The following PDHX variants were observed in gnomAD, a reference collection of about 807,000 sequenced individuals.
PDHX encodes the protein pyruvate dehydrogenase complex component X, also known as pyruvate dehydrogenase protein X component, mitochondrial.
Under a neutral mutation model 55.3 loss-of-function variants are expected in PDHX, and 33 were observed. The ratio of observed to expected loss-of-function variants is 0.60; its 90% CI spans 0.45 to 0.80. PDHX has a LOEUF of 0.80. PDHX is among the 30% of genes least tolerant of loss of function. The probability of loss-of-function intolerance (pLI) is 0.00; values close to 1 mark genes in which losing one functional copy is unlikely to be tolerated. For synonymous variants in PDHX, 226 were observed against 219.4 expected (o/e 1.03, Z -0.27); for missense variants, 622 against 619.9 (o/e 1.00, Z -0.04).
intron 6 of PDHX, among the ~76,000 whole-genome samples, chr11:34,969,346 CTT>C (rs763366784): frequency 5.8e-5 from 8 of 138,036 alleles, no homozygotes; most frequent in Admixed American, 1.4e-4. Flanking sequence ...GGTTTTTTTT[CTT>C]TTTTTTTTTT....
chr11:34,984,360 G>T (rs895342506), intron 8 of PDHX, among the ~76,000 whole-genome samples: 3 of 152,070 alleles, frequency 2.0e-5, no homozygotes, highest in Admixed American at 2.0e-4. Context: ...CTTCAAACTT[G>T]CTTCAAAAAG....
At chr11:34,939,597 C>G (rs760550481) in intron 2 of PDHX, among the ~76,000 whole-genome samples, 22 of 152,080 alleles carry the variant, frequency 1.4e-4, no homozygotes, top group Non-Finnish European at 2.8e-4. Flanking sequence ...TTTGGGGTTC[C>G]TCCTCTGCCA....
chr11:34,953,298 A>G lies in PDHX; in HGVS notation c.343-4086A>G, dbSNP rs958013228. Among the ~76,000 whole-genome samples, 70 of 152,322 alleles carry G rather than the reference A, an allele frequency of 4.6e-4. 1 individual carries two copies. The highest frequency in any genetic ancestry group is 1.6e-3 in the African/African-American group (66 of 41,556). ...AATTTATAGATTCAATGCCATCCCCATCAAGCTACCAATGCCTTTCTTCAC... is the reference window on the plus strand; with the variant it reads ...AATTTATAGATTCAATGCCATCCCCGTCAAGCTACCAATGCCTTTCTTCAC... On this transcript the variant is annotated intron_variant, in intron 3 of 10. Coordinates refer to ENST00000227868, the MANE Select transcript of PDHX (RefSeq NM_003477.3).
chr11:34,938,471 T>C (rs921187316), intron 2 of PDHX, among the ~76,000 whole-genome samples: 5 of 152,242 alleles, frequency 3.3e-5, no homozygotes, highest in African/African-American at 7.2e-5. Flanking sequence ...GTTTTACCTT[T>C]ATAAATAATG....
chr11:34,978,434 A>G (rs1349388536), intron 8 of PDHX, among the ~76,000 whole-genome samples: 1 of 152,154 alleles, frequency 6.6e-6, no homozygotes, highest in African/African-American at 2.4e-5. Flanking sequence ...ACAAAAGCTT[A>G]CTTGATTTCT....
At chr11:34,936,264 T>C (rs1424556617) in intron 2 of PDHX, among the ~76,000 whole-genome samples, 1 of 152,200 alleles carries the variant, frequency 6.6e-6, no homozygotes, top group Admixed American at 6.5e-5. Flanking sequence ...TTACTGGTCC[T>C]TGATAGACCC....
chr11:34,972,804 G>C (rs1168718103), intron 7 of PDHX, among the ~76,000 whole-genome samples: 2 of 152,052 alleles, frequency 1.3e-5, no homozygotes, highest in Non-Finnish European at 1.5e-5. Flanking sequence ...CAAAATATTT[G>C]AGAACTATTC....
intron 9 of PDHX, among the ~76,000 whole-genome samples, chr11:34,987,277 T>G (rs368881114): frequency 1.3e-5 from 2 of 152,188 alleles, no homozygotes; most frequent in South Asian, 2.1e-4. Context: ...TTGTATGAAG[T>G]ACTCTTGCTG....
At chr11:34,990,243 G>A (rs1399400894) in intron 9 of PDHX, among the ~76,000 whole-genome samples, 1 of 152,080 alleles carries the variant, frequency 6.6e-6, no homozygotes, top group African/African-American at 2.4e-5. Flanking sequence ...GAATAGCAAG[G>A]CATTCGATGT....
chr11:34,949,766 A>G (rs2133964859), intron 3 of PDHX, among the ~76,000 whole-genome samples: 1 of 152,256 alleles, frequency 6.6e-6, no homozygotes, highest in Non-Finnish European at 1.5e-5. Flanking sequence ...ACCAATTAGG[A>G]TATTTGTGAG....
chr11:34,941,389 T>G (rs1312095412), intron 2 of PDHX, among the ~76,000 whole-genome samples: 1 of 152,230 alleles, frequency 6.6e-6, no homozygotes, highest in African/African-American at 2.4e-5. Context: ...AGTTCTGTCT[T>G]ATTTTATTAC....
chr11:34,984,474 T>C, intron 8 of PDHX, 96 bp from the exon 9 acceptor site: 1 of 1,014,676 alleles, frequency 9.9e-7, no homozygotes, highest in Non-Finnish European at 1.5e-6. Context: ...TATCTAGCTA[T>C]GTTCACTTTG....
chr11:34,969,435 C>T (rs114092081), intron 6 of PDHX, among the ~76,000 whole-genome samples: 11,400 of 151,640 alleles, frequency 0.075, 443 homozygotes, highest in African/African-American at 0.091. Flanking sequence ...CCTCTGTCTC[C>T]CCGGTTCAAG....
intron 2 of PDHX, among the ~76,000 whole-genome samples, chr11:34,944,091 GTGTA>G (rs1004203491): frequency 3.8e-5 from 5 of 131,370 alleles, no homozygotes; most frequent in East Asian, 2.2e-4. Flanking sequence ...GTGTGTGTGT[GTGTA>G]TATATATATA....
At chr11:34,993,888 G>A (rs1053662278) in intron 10 of PDHX, among the ~76,000 whole-genome samples, 1 of 152,184 alleles carries the variant, frequency 6.6e-6, no homozygotes, top group South Asian at 2.1e-4. Context: ...AGAAACCATT[G>A]TGTATTCAGT....
intron 8 of PDHX, among the ~76,000 whole-genome samples, chr11:34,983,394 A>G (rs1855564225): frequency 1.3e-5 from 2 of 152,236 alleles, no homozygotes; most frequent in African/African-American, 4.8e-5. Flanking sequence ...CACCACTCCT[A>G]TTCAACATAG....
chr11:34,995,275 A>C lies in PDHX; in HGVS notation c.*103A>C. On this transcript the variant is annotated 3_prime_UTR_variant, in exon 11 of 11. Coordinates refer to ENST00000227868, the MANE Select transcript of PDHX (RefSeq NM_003477.3). ...AACTTGGTATTTAAGTATGAAGTGGATGAAATGTTTATTTATTTAAGGTGA... is the reference window on the plus strand; with the variant it reads ...AACTTGGTATTTAAGTATGAAGTGGCTGAAATGTTTATTTATTTAAGGTGA... The C allele has an allele frequency of 7.9e-7, 1 of 1,259,000 alleles. No homozygotes were observed. Among genetic ancestry groups the C allele is most frequent in the East Asian group, 2.3e-5 (1 of 43,058 alleles). The allele number at this position is 1,259,000 out of a possible 1,614,324, so 78.0% of individuals were successfully genotyped here. A position where few individuals can be genotyped will look rare whatever the true frequency, so the allele number is the denominator to read the frequency against.
At chr11:34,917,679 T>G (rs1440758602) in intron 1 of PDHX, among the ~76,000 whole-genome samples, 1 of 152,026 alleles carries the variant, frequency 6.6e-6, no homozygotes, top group Non-Finnish European at 1.5e-5. Flanking sequence ...CTGAGCTACC[T>G]TAGGCTCAGA....
chr11:34,957,100 C>G (rs1854919704), intron 3 of PDHX, among the ~76,000 whole-genome samples: 1 of 152,126 alleles, frequency 6.6e-6, no homozygotes, highest in Non-Finnish European at 1.5e-5. Flanking sequence ...AATGATGGAT[C>G]TTACATGTTT....
Sources: allele counts gnomAD v4.1 joint callset (sites outside exome capture counted in the v4.1 genomes callset), GRCh38; gene constraint gnomAD v4.1.1; transcripts MANE v1.5; gene names NCBI Gene and HGNC (gene_info 2026-07-23, HGNC 2026-07-21).